Variants in MIS18A observed in about 807,000 individuals in gnomAD.
MIS18A encodes protein Mis18-alpha.
In MIS18A, 14 loss-of-function variants were observed where a neutral mutation model predicts 25.0. The observed-to-expected ratio is 0.56, with a 90% CI of 0.37 to 0.88. The LOEUF (loss-of-function observed/expected upper bound fraction) is 0.88. Among genes scored for constraint, MIS18A ranks in the 40% least tolerant of loss-of-function variants. MIS18A has a pLI of 0.00. For synonymous variants in MIS18A, 134 were observed against 118.6 expected, an observed-to-expected ratio of 1.13 and a Z score of -0.84; for missense variants, 292 against 290.8, an observed-to-expected ratio of 1.00 and a Z score of -0.03.
the MIS18A span, among the ~76,000 whole-genome samples, chr21:32,189,587 T>C: frequency 6.6e-6 from 1 of 152,194 alleles, no homozygotes; most frequent in Non-Finnish European, 1.5e-5. Context: ...CCATGCCTCA[T>C]GCTTTGTACT....
At chr21:32,236,491 A>G in the MIS18A span, among the ~76,000 whole-genome samples, 2 of 152,232 alleles carry the variant, frequency 1.3e-5, no homozygotes, top group East Asian at 3.9e-4. Flanking sequence ...AAATCTATTT[A>G]TCTATTTCTG....
chr21:32,196,384 C>T, the MIS18A span, among the ~76,000 whole-genome samples: 1 of 152,070 alleles, frequency 6.6e-6, no homozygotes, highest in Admixed American at 6.6e-5. Context: ...ACTTAGGTCT[C>T]AGCTCTCCTG....
chr21:32,195,021 T>C, the MIS18A span, among the ~76,000 whole-genome samples: 1 of 152,146 alleles, frequency 6.6e-6, no homozygotes, highest in Non-Finnish European at 1.5e-5. Flanking sequence ...ACAATTGCAC[T>C]TGTAACCCTA....
chr21:32,157,397 C>G, the MIS18A span, among the ~76,000 whole-genome samples: 76,245 of 150,850 alleles, frequency 0.51, 20,138 homozygotes, highest in African/African-American at 0.65. Flanking sequence ...AAACCTTTGT[C>G]CATTAGTGAT....
the MIS18A span, among the ~76,000 whole-genome samples, chr21:32,247,533 A>C: frequency 6.6e-6 from 1 of 152,206 alleles, no homozygotes; most frequent in South Asian, 2.1e-4. Context: ...GCCACAAAAA[A>C]TTCATATGTT....
rs1463283302 is a variant in MIS18A at position 32,278,766 on chromosome 21, G to A, written c.249C>T (p.Phe83=). 2 of 1,579,474 alleles carry A rather than the reference G, an allele frequency of 1.3e-6. No homozygotes were observed. Among genetic ancestry groups the A allele is most frequent in the Admixed American group, 1.8e-5 (1 of 55,520 alleles). The part of the protein sequence containing the change: ...AAAAEERPLV[F]LCSGCRRPLG... ...GCGGCCGCCGGCAGCCGGAGCACAG[G>A]AACACCAGCGGCCTCTCCTCCGCAG... Residue 83 remains phenylalanine, a synonymous_variant, in exon 1 of 5, where the codon TTC becomes TTT. Coordinates refer to ENST00000290130, the MANE Select transcript of MIS18A (RefSeq NM_018944.3).
At chr21:32,207,814 C>T in the MIS18A span, among the ~76,000 whole-genome samples, 3 of 152,178 alleles carry the variant, frequency 2.0e-5, no homozygotes, top group Non-Finnish European at 4.4e-5. Flanking sequence ...CTTTCAAAAA[C>T]AGACCAGAGA....
the MIS18A span, among the ~76,000 whole-genome samples, chr21:32,240,359 A>G: frequency 6.6e-6 from 1 of 152,232 alleles, no homozygotes; most frequent in Non-Finnish European, 1.5e-5. Flanking sequence ...CTTCCGCCAC[A>G]TGAGTACCCA....
At chr21:32,171,708 T>A in the MIS18A span, among the ~76,000 whole-genome samples, 1 of 152,062 alleles carries the variant, frequency 6.6e-6, no homozygotes, top group South Asian at 2.1e-4. Flanking sequence ...CTACAGTAAA[T>A]ATACAGTATT....
At chr21:32,265,484 T>C (rs1318487536), downstream of MIS18A, among the ~76,000 whole-genome samples, 1 of 152,218 alleles carries the variant, frequency 6.6e-6, no homozygotes, top group Non-Finnish European at 1.5e-5. Context: ...GGCCAGTGGC[T>C]GCGGAGGGTG....
chr21:32,258,071 T>A, the MIS18A span, among the ~76,000 whole-genome samples: 1 of 152,196 alleles, frequency 6.6e-6, no homozygotes, highest in Admixed American at 6.5e-5. Context: ...AGCAAGGTGA[T>A]CAGAAATGTC....
At chr21:32,278,076 A>C in intron 1 of MIS18A, 1 of 152,424 alleles carries the variant, frequency 6.6e-6, no homozygotes, top group Non-Finnish European at 1.5e-5. Flanking sequence ...GAACAGTGGA[A>C]CAACAGAGGT....
chr21:32,257,549 C>G, the MIS18A span, among the ~76,000 whole-genome samples: 1 of 152,302 alleles, frequency 6.6e-6, no homozygotes, highest in African/African-American at 2.4e-5. Context: ...TTAGATGAGC[C>G]TCTATCAGCT....
At chr21:32,246,358 C>A in the MIS18A span, among the ~76,000 whole-genome samples, 5 of 152,044 alleles carry the variant, frequency 3.3e-5, no homozygotes. Context: ...ACTGCACACG[C>A]CCTTCGGTAC....
At chr21:32,247,537 A>T in the MIS18A span, among the ~76,000 whole-genome samples, 1 of 152,174 alleles carries the variant, frequency 6.6e-6, no homozygotes, top group Admixed American at 6.5e-5. Context: ...CAAAAAATTC[A>T]TATGTTAAAG....
the MIS18A span, among the ~76,000 whole-genome samples, chr21:32,166,059 T>G: frequency 2.4e-4 from 37 of 152,246 alleles, no homozygotes; most frequent in South Asian, 7.5e-3. Context: ...GGGAACTAAA[T>G]GCAGAAAACA....
chr21:32,186,972 G>C, the MIS18A span, among the ~76,000 whole-genome samples: 1 of 152,134 alleles, frequency 6.6e-6, no homozygotes, highest in African/African-American at 2.4e-5. Flanking sequence ...GGCCTCATCT[G>C]GCCTTTTTTT....
the MIS18A span, among the ~76,000 whole-genome samples, chr21:32,258,241 T>G: frequency 6.6e-6 from 1 of 152,030 alleles, no homozygotes; most frequent in Non-Finnish European, 1.5e-5. Context: ...TAACTTCCAG[T>G]GTAGAATGCT....
chr21:32,166,407 GGAGAAA>G, the MIS18A span, among the ~76,000 whole-genome samples: 1 of 152,164 alleles, frequency 6.6e-6, no homozygotes, highest in Admixed American at 6.5e-5. Context: ...CCAGAGCACT[GGAGAAA>G]TGTTTGATTC....
Sources: allele counts gnomAD v4.1 joint callset (sites outside exome capture counted in the v4.1 genomes callset), GRCh38; gene constraint gnomAD v4.1.1; transcripts MANE v1.5; gene names NCBI Gene and HGNC (gene_info 2026-07-23, HGNC 2026-07-21).